The following ARHGAP44 variants were observed in gnomAD, a reference collection of about 807,000 sequenced individuals.
ARHGAP44 encodes the protein rho GTPase-activating protein 44.
In ARHGAP44, 43 loss-of-function variants were observed where a neutral mutation model predicts 106.8. That is an observed-to-expected ratio of 0.40 (90% CI 0.32 to 0.52). The LOEUF is 0.52. ARHGAP44 is among the 20% of genes least tolerant of loss of function. The pLI is 0.48. For synonymous variants in ARHGAP44, 439 were observed against 410.3 expected (o/e 1.07, Z -0.85); for missense variants, 866 against 1,050.5 (o/e 0.82, Z 2.43).
At chr17:12,916,905 A>G (rs575183516) in intron 5 of ARHGAP44, among the ~76,000 whole-genome samples, 1 of 152,328 alleles carries the variant, frequency 6.6e-6, no homozygotes. Context: ...AGCATCTCAA[A>G]CCTGAAACAA....
intron 3 of ARHGAP44, among the ~76,000 whole-genome samples, chr17:12,899,646 C>A (rs1015490460): frequency 6.6e-6 from 1 of 151,684 alleles, no homozygotes; most frequent in African/African-American, 2.4e-5. Context: ...TGAACAGACA[C>A]TGTCTCGGGA....
At chr17:12,869,608 A>G (rs2036345831) in intron 1 of ARHGAP44, among the ~76,000 whole-genome samples, 1 of 152,144 alleles carries the variant, frequency 6.6e-6, no homozygotes, top group African/African-American at 2.4e-5. Flanking sequence ...AACTGTGTCC[A>G]TGAAACAGTA....
intron 1 of ARHGAP44, among the ~76,000 whole-genome samples, chr17:12,860,317 G>A (rs1441633474): frequency 6.6e-6 from 1 of 152,138 alleles, no homozygotes; most frequent in Non-Finnish European, 1.5e-5. Flanking sequence ...CAAGGCTCCT[G>A]ACAATAGCAT....
intron 1 of ARHGAP44, among the ~76,000 whole-genome samples, chr17:12,807,499 G>A (rs1391150987): frequency 6.6e-6 from 1 of 152,196 alleles, no homozygotes; most frequent in Non-Finnish European, 1.5e-5. Context: ...GGAAGGCAAA[G>A]GAGAAGCAAA....
In ARHGAP44 at chr17:12,883,045, T is replaced by A. The variant is rs1195400038; in HGVS notation, c.54-11895T>A. Among the ~76,000 whole-genome samples, 6 of 151,892 alleles carry A rather than the reference T, an allele frequency of 4.0e-5. 1 individual carries two copies. The highest frequency in any genetic ancestry group is 1.4e-4 in the African/African-American group (6 of 41,440). ...ACCTGTAAAACATCTTGGTCTTCTG[T>A]TTTCTTTTTGGAATGATGTTTAATT... On this transcript the variant is annotated intron_variant, in intron 1 of 20. Coordinates refer to ENST00000379672, the MANE Select transcript of ARHGAP44 (RefSeq NM_014859.6).
rs769575488 is a variant in ARHGAP44, at chr17:12,929,004, G to A, written c.540G>A (p.Arg180=). 4.3e-6 allele frequency: 7 copies of A among 1,613,232 alleles called. No homozygotes were observed. The South Asian group carries it at 7.7e-5, about 18-fold the overall frequency. The change falls in exon 7 of 21, where the codon AGG becomes AGA. Residue 180 remains arginine (R), a synonymous_variant. Transcript: ENST00000379672. The stretch of plus-strand genomic sequence containing the variant: ...CGGGTGCCAAGGCTGATGCCCTCAG[G>A]GAAGAAATGGAAGAGGCTGCCAACA... ...QPAGAKADAL[R]EEMEEAANRV... is the part of the protein sequence containing the mutation.
intron 1 of ARHGAP44, among the ~76,000 whole-genome samples, chr17:12,838,049 TA>T (rs1305884516): frequency 6.6e-6 from 1 of 152,196 alleles, no homozygotes; most frequent in Non-Finnish European, 1.5e-5. Flanking sequence ...CTCTCTTTGA[TA>T]ATAGATAACC....
At chr17:12,931,539 C>T (rs996955994) in intron 7 of ARHGAP44, among the ~76,000 whole-genome samples, 1 of 151,966 alleles carries the variant, frequency 6.6e-6, no homozygotes, top group Admixed American at 6.6e-5. Flanking sequence ...CTCTGTCACC[C>T]AGGCTGGAGT....
chr17:12,854,175 C>T (rs1432485848), intron 1 of ARHGAP44, among the ~76,000 whole-genome samples: 1 of 152,082 alleles, frequency 6.6e-6, no homozygotes, highest in African/African-American at 2.4e-5. Context: ...GGAGATGGCA[C>T]AGGAGGGTGC....
intron 15 of ARHGAP44, among the ~76,000 whole-genome samples, chr17:12,957,844 A>G (rs570465262): frequency 5.8e-4 from 89 of 152,352 alleles, no homozygotes; most frequent in African/African-American, 2.0e-3. Context: ...CTGTTAAGGC[A>G]TGTGAGGATA....
intron 1 of ARHGAP44, among the ~76,000 whole-genome samples, chr17:12,869,002 A>C (rs1254371404): frequency 6.6e-6 from 1 of 152,046 alleles, no homozygotes; most frequent in African/African-American, 2.4e-5. Context: ...AAGAGCATAA[A>C]ATTATTTGGA....
intron 1 of ARHGAP44, among the ~76,000 whole-genome samples, chr17:12,793,318 A>C (rs974168166): frequency 6.6e-6 from 1 of 152,240 alleles, no homozygotes; most frequent in Non-Finnish European, 1.5e-5. Context: ...GCACTATGGC[A>C]TATGTACCTT....
At chr17:12,863,842 A>T (rs2036161202) in intron 1 of ARHGAP44, among the ~76,000 whole-genome samples, 1 of 152,140 alleles carries the variant, frequency 6.6e-6, no homozygotes, top group Admixed American at 6.5e-5. Flanking sequence ...TCAGAGAACA[A>T]CCCATTTCTC....
At chr17:12,898,813 C>T (rs2037290432) in intron 3 of ARHGAP44, among the ~76,000 whole-genome samples, 1 of 152,184 alleles carries the variant, frequency 6.6e-6, no homozygotes, top group Admixed American at 6.5e-5. Flanking sequence ...TCTGGCTTCT[C>T]TTACTAGAGA....
At chr17:12,889,647 A>G (rs565834310) in intron 1 of ARHGAP44, among the ~76,000 whole-genome samples, 3 of 152,166 alleles carry the variant, frequency 2.0e-5, no homozygotes, top group Non-Finnish European at 4.4e-5. Flanking sequence ...TGAAAAATGC[A>G]TTTGCTCCAT....
At chr17:12,986,928 C>G (rs1001627926) in intron 20 of ARHGAP44, 1 of 609,782 alleles carries the variant, frequency 1.6e-6, no homozygotes, top group African/African-American at 1.9e-5. Flanking sequence ...TGGCAGCAGA[C>G]TGTTGTTTTG....
At chr17:12,956,008 G>A (rs759598972) in intron 14 of ARHGAP44, 28 bp downstream of exon 14, 4 of 1,555,084 alleles carry the variant, frequency 2.6e-6, no homozygotes, top group South Asian at 1.1e-5. Flanking sequence ...AAGTAATGTG[G>A]GTGATCAGGT....
intron 1 of ARHGAP44, among the ~76,000 whole-genome samples, chr17:12,805,824 T>C (rs959574014): frequency 6.6e-6 from 1 of 152,050 alleles, no homozygotes; most frequent in African/African-American, 2.4e-5. Flanking sequence ...GCAGAGGGAG[T>C]TGAGCTGTGA....
chr17:12,902,917 G>A (rs1022145850), intron 3 of ARHGAP44, among the ~76,000 whole-genome samples: 22 of 152,152 alleles, frequency 1.4e-4, no homozygotes. Flanking sequence ...ACCTGATGCT[G>A]TTAGCAGTGG....
Sources: allele counts gnomAD v4.1 joint callset (sites outside exome capture counted in the v4.1 genomes callset), GRCh38; gene constraint gnomAD v4.1.1; transcripts MANE v1.5; gene names NCBI Gene and HGNC (gene_info 2026-07-23, HGNC 2026-07-21).